The following MMS22L variants were observed in gnomAD, a reference collection of about 807,000 sequenced individuals.
MMS22L encodes the protein MMS22 like, DNA repair protein.
Under a neutral mutation model 159.1 loss-of-function variants are expected in MMS22L, and 74 were observed. That is an observed-to-expected ratio of 0.47 (90% CI 0.39 to 0.56). The LOEUF is 0.56. Ranked by LOEUF, MMS22L falls within the 20% of genes least tolerant of loss-of-function variation. The pLI, the probability that MMS22L is intolerant of heterozygous loss-of-function variation, is 0.00. For missense variants in MMS22L, 1,351 were observed against 1,422.1 expected (o/e 0.95, Z 0.80); for synonymous variants, 517 against 506.9 (o/e 1.02, Z -0.27).
At chr6:97,268,558 G>A (rs539566120) in intron 7 of MMS22L, among the ~76,000 whole-genome samples, 35 of 151,586 alleles carry the variant, frequency 2.3e-4, no homozygotes, top group Admixed American at 9.9e-4. Context: ...TCTTTAAGAA[G>A]CATTAATGCA....
Position 97,182,032 on chromosome 6 carries a change from G to A in MMS22L, c.2256C>T (p.Asp752=). ...AATCTGATGGAGCTGTGCTTGGCAT[G>A]TCCATTGCTAGCAAAGTAAAGTCTA... The part of the protein sequence containing the change: ...AAADFTLLAM[D]MPSTAPSDFQ... The change falls in exon 16 of 25, where the codon GAC becomes GAT. Residue 752 remains aspartate (D), a synonymous_variant. Coordinates refer to ENST00000683635, the MANE Select transcript of MMS22L (RefSeq NM_001350599.2). 1.2e-6 allele frequency: 2 copies of A among 1,610,602 alleles called. No homozygotes were observed. Among genetic ancestry groups the A allele is most frequent in the South Asian group, 1.1e-5 (1 of 90,092 alleles).
rs756047462 is a variant in MMS22L, at chr6:97,278,894, G to C, written c.295C>G (p.Gln99Glu). The C allele has an allele frequency of 1.3e-5, 21 of 1,612,462 alleles. No individual in the cohort carries two copies. Among genetic ancestry groups the C allele is most frequent in the Non-Finnish European group, 2.5e-6 (3 of 1,179,382 alleles). ...SRELFHLFRQ[Q>E]LYNLETLLQS... ...AACAAGGTTTCCAAGTTGTACAGTTGTTGCCTAATTTTAAAAATGTAAGGT... is the reference window on the plus strand; with the variant it reads ...AACAAGGTTTCCAAGTTGTACAGTTCTTGCCTAATTTTAAAAATGTAAGGT... The change falls in exon 4 of 25, where the codon CAA becomes GAA. Residue 99 changes from glutamine (Q) to glutamate (E), a missense_variant. Transcript: ENST00000683635.
chr6:97,247,446 T>C lies in MMS22L; in HGVS notation c.1120-756A>G, dbSNP rs538089052. ...AAAAAAACGGTATAAAAAGTAATCA[T>C]GGCCAGGAGCGATGGCTCACACCTA... On this transcript the variant is annotated intron_variant, in intron 10 of 24. Coordinates refer to ENST00000683635, the MANE Select transcript of MMS22L (RefSeq NM_001350599.2). 3.3e-5 allele frequency among the ~76,000 whole-genome samples: 5 copies of C among 152,290 alleles called. No homozygotes were observed. The South Asian group carries it at 8.3e-4, about 25-fold the overall frequency.
Position 97,142,293 on chromosome 6 carries a change from G to A in MMS22L, c.*4513C>T, listed in dbSNP as rs1282717335. 1.3e-5 allele frequency: 2 copies of A among 152,288 alleles called. No homozygotes were observed. Among genetic ancestry groups the A allele is most frequent in the African/African-American group, 4.8e-5 (2 of 41,412 alleles). The allele number at this position is 152,288 out of a possible 1,614,324, so 9.4% of individuals were successfully genotyped here. On this transcript the variant is annotated 3_prime_UTR_variant, in exon 25 of 25. Coordinates refer to ENST00000683635, the MANE Select transcript of MMS22L (RefSeq NM_001350599.2). Reference sequence around the variant, plus strand: ...ATTCACAAATGCAATGAATTGGATAGCCATTGGCACATCAAAAATTTTAAT... The same window carrying A: ...ATTCACAAATGCAATGAATTGGATAACCATTGGCACATCAAAAATTTTAAT...
intron 10 of MMS22L, chr6:97,253,388 AG>A (rs1813440621): frequency 6.6e-6 from 1 of 152,180 alleles, no homozygotes; most frequent in South Asian, 2.1e-4. Flanking sequence ...ATGAGAACCA[AG>A]GAACTTTTTA....
chr6:97,272,744 C>G lies in MMS22L; in HGVS notation c.566G>C (p.Ser189Thr), dbSNP rs775516023. Residue 189 changes from serine (S) to threonine (T), a missense_variant, in exon 6 of 25, where the codon AGT (serine) becomes ACT (threonine). Coordinates refer to ENST00000683635, the MANE Select transcript of MMS22L (RefSeq NM_001350599.2). ...LYIGHLSELP[S>T]VNIGAFVNQN... ...ATTTACAAATGCTCCTATATTAACACTGGGAAGTTCAGATAGGTGTCCAAT... is the reference window on the plus strand; with the variant it reads ...ATTTACAAATGCTCCTATATTAACAGTGGGAAGTTCAGATAGGTGTCCAAT... 6.2e-7 allele frequency: 1 copy of G among 1,613,412 alleles called. No homozygotes were observed. Among genetic ancestry groups the G allele is most frequent in the South Asian group, 1.1e-5 (1 of 90,836 alleles).
At position 97,173,136 on chromosome 6, in the gene MMS22L, T is replaced by C. The variant is rs534409576; in HGVS notation, c.2766A>G (p.Val922=). ...VTKSLEYLGE[V]LKYIKPYLGK... is the part of the protein sequence containing the mutation. ...CCAAATAAGGCTTAATATATTTTAA[T>C]ACTTCACCAAGGTATTCCAAGGACT... is the stretch of plus-strand genomic sequence containing the variant. Residue 922 remains valine, a synonymous_variant, in exon 19 of 25, where the codon GTA becomes GTG. Transcript: ENST00000683635. The C allele has an allele frequency of 3.1e-6, 5 of 1,613,770 alleles. No homozygotes were observed. In the Admixed American group the frequency reaches 8.3e-5, roughly 27 times the overall value.
intron 4 of MMS22L, among the ~76,000 whole-genome samples, chr6:97,277,758 C>T (rs986346896): frequency 9.2e-5 from 14 of 152,144 alleles, no homozygotes; most frequent in African/African-American, 3.4e-4. Context: ...CGGAAAATCA[C>T]CAGAATGAGC....
intron 9 of MMS22L, chr6:97,260,004 C>A (rs890045426): frequency 6.6e-6 from 1 of 151,976 alleles, no homozygotes; most frequent in Non-Finnish European, 1.5e-5. Context: ...TGCATTGAGG[C>A]CTTGTTTTAA....
intron 24 of MMS22L, 33 bp downstream of exon 24, chr6:97,149,820 C>T (rs534834990): frequency 1.3e-6 from 2 of 1,504,914 alleles, no homozygotes; most frequent in Non-Finnish European, 1.8e-6. Context: ...ATAATCACTG[C>T]CCCCCCCAAT....
chr6:97,176,926 T>C (rs1187560539), intron 18 of MMS22L, among the ~76,000 whole-genome samples: 1 of 152,136 alleles, frequency 6.6e-6, no homozygotes, highest in Non-Finnish European at 1.5e-5. Flanking sequence ...AGGGATAATC[T>C]TGGGGAGACC....
At chr6:97,217,517 A>G (rs1375079166) in intron 14 of MMS22L, among the ~76,000 whole-genome samples, 1 of 152,148 alleles carries the variant, frequency 6.6e-6, no homozygotes, top group Non-Finnish European at 1.5e-5. Flanking sequence ...AGACTCCCAA[A>G]GTGCTAGGAT....
Position 97,263,427 on chromosome 6 carries a change from T to C in MMS22L, c.850A>G (p.Met284Val). 2.5e-6 allele frequency: 4 copies of C among 1,578,452 alleles called. No homozygotes were observed. The highest frequency in any genetic ancestry group is 3.4e-6 in the Non-Finnish European group (4 of 1,168,036). The change falls in exon 9 of 25, where the codon ATG (methionine) becomes GTG (valine). Residue 284 changes from methionine to valine, a missense_variant. By Grantham distance (21) the Met-to-Val change is conservative (BLOSUM62 1). Coordinates refer to ENST00000683635, the MANE Select transcript of MMS22L (RefSeq NM_001350599.2). ...YDKVRSSESL[M>V]SDQCPCLCIK... The stretch of plus-strand genomic sequence containing the variant: ...CATAAACATGGACACTGGTCACTCA[T>C]TAATGATTCAGAAGACCTAACCTAT...
intron 14 of MMS22L, among the ~76,000 whole-genome samples, chr6:97,210,622 G>A (rs990665074): frequency 2.6e-5 from 4 of 151,836 alleles, no homozygotes; most frequent in African/African-American, 9.7e-5. Context: ...CAAAAGACAA[G>A]ACATGACTGT....
chr6:97,155,779 T>C (rs1027920689), intron 22 of MMS22L, among the ~76,000 whole-genome samples: 1 of 152,226 alleles, frequency 6.6e-6, no homozygotes, highest in African/African-American at 2.4e-5. Context: ...TTGTAAACAG[T>C]ACTGCAATAA....
chr6:97,275,157 T>C (rs1285346167), intron 4 of MMS22L, among the ~76,000 whole-genome samples: 3 of 152,200 alleles, frequency 2.0e-5, no homozygotes, highest in African/African-American at 4.8e-5. Context: ...TTACTATATA[T>C]TCAAAGAAGC....
chr6:97,219,096 A>G (rs1367755926), intron 14 of MMS22L, among the ~76,000 whole-genome samples: 1 of 152,126 alleles, frequency 6.6e-6, no homozygotes, highest in Non-Finnish European at 1.5e-5. Context: ...CCATTGACAC[A>G]TGGAGGATTA....
intron 8 of MMS22L, chr6:97,263,708 CTT>C: frequency 4.4e-6 from 1 of 227,838 alleles, no homozygotes; most frequent in Non-Finnish European, 8.3e-6. Context: ...CAAACTTTCT[CTT>C]TTTTTTTTCT....
Position 97,204,794 on chromosome 6 carries a change from C to CAA in MMS22L, c.2040-18106_2040-18105dup, listed in dbSNP as rs58113888. ...TAGGCTATGAAGTGAGACTCAGTGTCAAAAAAAAAAAAAAAAAAATCAACT... is the reference window on the plus strand; with the variant it reads ...TAGGCTATGAAGTGAGACTCAGTGTCAAAAAAAAAAAAAAAAAAAAATCAACT... On this transcript the variant is annotated intron_variant, in intron 14 of 24. Transcript: ENST00000683635. Among the ~76,000 whole-genome samples the CAA allele has an allele frequency of 9.3e-3, 987 of 106,120 alleles. 24 individuals carry two copies. Among genetic ancestry groups the CAA allele is most frequent in the South Asian group, 0.012 (34 of 2,788 alleles). The allele number at this position is 106,120 out of a possible 152,430, so 69.6% of individuals were successfully genotyped here.
Sources: gnomAD v4.1 joint callset for allele counts (sites outside exome capture counted in the v4.1 genomes callset) on GRCh38, gnomAD v4.1.1 for gene constraint, MANE v1.5 for transcripts, NCBI Gene and HGNC (gene_info 2026-07-23, HGNC 2026-07-21) for gene names.